Variants in ANKRD30B observed in about 807,000 individuals in gnomAD.
The protein encoded by ANKRD30B is ankyrin repeat domain 30B.
A neutral mutation model predicts 202.2 loss-of-function variants in ANKRD30B; 144 were observed. The ratio of observed to expected loss-of-function variants is 0.71; its 90% confidence interval spans 0.62 to 0.82. The LOEUF is 0.82. ANKRD30B is among the 40% of genes least tolerant of loss of function. ANKRD30B has a pLI of 0.00. For missense variants in ANKRD30B, 1,487 were observed against 1,669.1 expected, an observed-to-expected ratio of 0.89 and a Z score of 1.90; for synonymous variants, 508 against 561.3, an observed-to-expected ratio of 0.91 and a Z score of 1.34.
At position 14,852,493 on chromosome 18, in the gene ANKRD30B, G is replaced by T. The variant is rs1010756582; in HGVS notation, c.4476+73G>T. On this transcript the variant is annotated intron_variant, in intron 42 of 43. Coordinates refer to ENST00000690538, the MANE Select transcript of ANKRD30B (RefSeq NM_001367607.2). Reference sequence around the variant, plus strand: ...TGGCCTTGGCTAAATGCTGAATCTAGTTGAATATATATATATATAAATAGA... The same window carrying T: ...TGGCCTTGGCTAAATGCTGAATCTATTTGAATATATATATATATAAATAGA... 62 of 1,455,888 alleles carry T rather than the reference G, an allele frequency of 4.3e-5. No homozygotes were observed. In the African/African-American group the frequency reaches 6.8e-4, roughly 16 times the overall value. The allele number at this position is 1,455,888 out of a possible 1,614,324, so 90.2% of individuals were successfully genotyped here. A position where few individuals can be genotyped will look rare whatever the true frequency, so the allele number is the denominator to read the frequency against.
intron 9 of ANKRD30B, among the ~76,000 whole-genome samples, chr18:14,776,417 T>G (rs1192218165): frequency 1.3e-5 from 2 of 152,208 alleles, no homozygotes; most frequent in Non-Finnish European, 2.9e-5. Flanking sequence ...GCAGTGGAAT[T>G]CTATGGTCAG....
the ANKRD30B span, chr18:14,905,554 G>C: frequency 6.6e-6 from 1 of 152,178 alleles, no homozygotes; most frequent in Non-Finnish European, 1.5e-5. Context: ...TGTAGATGAA[G>C]CCTCTAGGTA....
intron 9 of ANKRD30B, among the ~76,000 whole-genome samples, chr18:14,773,474 T>C (rs1967144427): frequency 6.6e-6 from 1 of 152,214 alleles, no homozygotes; most frequent in South Asian, 2.1e-4. Context: ...ATCTAATGCA[T>C]TTCAAAAATA....
intron 1 of ANKRD30B, among the ~76,000 whole-genome samples, chr18:14,751,042 A>G (rs1357092410): frequency 2.6e-5 from 4 of 152,130 alleles, no homozygotes; most frequent in East Asian, 3.9e-4. Flanking sequence ...ATAATTTCTC[A>G]CTTTCTATAT....
At chr18:14,936,540 A>C in the ANKRD30B span, among the ~76,000 whole-genome samples, 1 of 152,194 alleles carries the variant, frequency 6.6e-6, no homozygotes, top group Non-Finnish European at 1.5e-5. Flanking sequence ...GGCGGAGGGT[A>C]GGGAGGGATG....
chr18:14,896,934 A>C, the ANKRD30B span, among the ~76,000 whole-genome samples: 1 of 151,598 alleles, frequency 6.6e-6, no homozygotes, highest in East Asian at 1.9e-4. Flanking sequence ...AAAAAATAAA[A>C]TGAGTGCTAC....
intron 16 of ANKRD30B, among the ~76,000 whole-genome samples, chr18:14,794,713 C>T (rs376521104): frequency 2.0e-4 from 30 of 152,252 alleles, no homozygotes; most frequent in African/African-American, 6.5e-4. Flanking sequence ...ACCTGCAACA[C>T]GGTCATGCAT....
the ANKRD30B span, among the ~76,000 whole-genome samples, chr18:14,929,078 C>T: frequency 1.3e-5 from 2 of 152,200 alleles, no homozygotes; most frequent in East Asian, 1.9e-4. Flanking sequence ...GAACACAGAG[C>T]TTTCCAAACT....
At position 14,764,083 on chromosome 18, in the gene ANKRD30B, T is replaced by C. The variant is rs1216171172; in HGVS notation, c.1218T>C (p.Ser406=). ...CAAAAGAAACATCTACAAAAGCAAG[T>C]ACAAATGGTAAGATGCTTGAGTGAA... The part of the protein sequence containing the change: ...CPTKETSTKA[S]TNVDVSSVEP... Residue 406 remains serine (S), a synonymous_variant, in exon 7 of 44, where the codon AGT becomes AGC. Coordinates refer to ENST00000690538, the MANE Select transcript of ANKRD30B (RefSeq NM_001367607.2). The C allele has an allele frequency of 1.3e-6, 2 of 1,516,854 alleles. No individual in the cohort carries two copies. 94.0% of individuals were successfully genotyped at this position (1,516,854 alleles called of 1,614,324 possible). A position where few individuals can be genotyped will look rare whatever the true frequency, so the allele number is the denominator to read the frequency against.
chr18:14,799,189 A>C, intron 21 of ANKRD30B, 34 bp from the exon 22 acceptor site: 1 of 1,586,374 alleles, frequency 6.3e-7, no homozygotes, highest in Non-Finnish European at 8.6e-7. Context: ...AGTATACATT[A>C]TATGTTAATT....
At chr18:14,757,429 T>C (rs1425794419) in intron 4 of ANKRD30B, among the ~76,000 whole-genome samples, 1 of 152,228 alleles carries the variant, frequency 6.6e-6, no homozygotes, top group Non-Finnish European at 1.5e-5. Context: ...ACTACTAATA[T>C]CATTATTCCT....
the ANKRD30B span, among the ~76,000 whole-genome samples, chr18:14,881,725 C>G: frequency 6.6e-6 from 1 of 150,998 alleles, no homozygotes; most frequent in Non-Finnish European, 1.5e-5. Flanking sequence ...GTGAATCTGT[C>G]TGGTCCTCGG....
the ANKRD30B span, among the ~76,000 whole-genome samples, chr18:14,871,271 T>C: frequency 9.2e-6 from 1 of 109,038 alleles, no homozygotes; most frequent in Admixed American, 1.1e-4. Context: ...CTACATTCGC[T>C]TGCTCCACCT....
chr18:14,925,204 A>AGGAAG, the ANKRD30B span, among the ~76,000 whole-genome samples: 985 of 152,260 alleles, frequency 6.5e-3, 16 homozygotes, highest in African/African-American at 0.023. Flanking sequence ...ATAGAGGCTG[A>AGGAAG]GGAAGGGAGA....
chr18:14,901,258 G>T, the ANKRD30B span, among the ~76,000 whole-genome samples: 1 of 152,098 alleles, frequency 6.6e-6, no homozygotes, highest in Non-Finnish European at 1.5e-5. Flanking sequence ...TTTATAGTTG[G>T]CTACAGCCAA....
the ANKRD30B span, among the ~76,000 whole-genome samples, chr18:14,923,854 G>T: frequency 1.3e-5 from 2 of 152,170 alleles, no homozygotes; most frequent in Non-Finnish European, 2.9e-5. Context: ...TGGGAGAGGG[G>T]TGACACCAGT....
chr18:14,765,558 C>T (rs1340178076), intron 7 of ANKRD30B, among the ~76,000 whole-genome samples: 2 of 152,060 alleles, frequency 1.3e-5, no homozygotes, highest in African/African-American at 4.8e-5. Flanking sequence ...TGAAAGCAGC[C>T]ATAGATAATG....
At chr18:14,827,735 A>G (rs1970724345) in intron 32 of ANKRD30B, among the ~76,000 whole-genome samples, 2 of 152,172 alleles carry the variant, frequency 1.3e-5, no homozygotes, top group South Asian at 4.1e-4. Context: ...TCTAAGTTTG[A>G]CACTGTCCAC....
Position 14,796,365 on chromosome 18 carries a change from C to A in ANKRD30B, c.1877C>A (p.Ser626Tyr), listed in dbSNP as rs751155656. 2 of 1,575,492 alleles carry A rather than the reference C, an allele frequency of 1.3e-6. No individual in the cohort carries two copies. The highest frequency in any genetic ancestry group is 1.8e-5 in the Admixed American group (1 of 54,450). Residue 626 changes from serine (S) to tyrosine (Y), a missense_variant, in exon 18 of 44, where the codon TCT (serine) becomes TAT (tyrosine). Around this residue, in one of 6 missense-constraint regions of ANKRD30B, gnomAD observed 889 missense variants for 841.4 expected, o/e 1.06. Coordinates refer to ENST00000690538, the MANE Select transcript of ANKRD30B (RefSeq NM_001367607.2). ...TAGCCTACCTGTGGAAGGAAAGTTT[C>A]TCTTCCAAATAAAGCCTTAGAATTA... ...LLKPTCGRKV[S>Y]LPNKALELKD...
Sources: allele counts gnomAD v4.1 joint callset (sites outside exome capture counted in the v4.1 genomes callset), GRCh38; gene constraint gnomAD v4.1.1; regional missense constraint gnomAD v4.1.1; transcripts MANE v1.5; gene names NCBI Gene and HGNC (gene_info 2026-07-23, HGNC 2026-07-21).